Variants in RNGTT observed in about 807,000 individuals in gnomAD.
RNGTT encodes RNA guanylyltransferase and 5'-phosphatase, also known as mRNA-capping enzyme.
RNGTT carries 33 observed loss-of-function variants against 79.3 expected under a neutral mutation model. That is an observed-to-expected ratio of 0.42 (90% CI 0.32 to 0.56). The LOEUF is 0.56. RNGTT is among the 20% of genes least tolerant of loss of function. The pLI is 0.17. For synonymous variants in RNGTT, 222 were observed against 235.9 expected (o/e 0.94, Z 0.54); for missense variants, 497 against 739.1 (o/e 0.67, Z 3.80).
chr6:88,612,950 G>A, intron 15 of RNGTT, 68 bp from the exon 16 acceptor site: 1 of 1,446,208 alleles, frequency 6.9e-7, no homozygotes, highest in East Asian at 2.3e-5. Flanking sequence ...ACAGGCTTAT[G>A]AGAAAGGTTT....
At chr6:88,670,834 T>C (rs150662180) in intron 14 of RNGTT, among the ~76,000 whole-genome samples, 1 of 152,302 alleles carries the variant, frequency 6.6e-6, no homozygotes, top group East Asian at 1.9e-4. Flanking sequence ...CAGGAATCTT[T>C]ACTTTGGGGA....
chr6:88,715,880 C>T (rs997451205), intron 13 of RNGTT, among the ~76,000 whole-genome samples: 12 of 152,182 alleles, frequency 7.9e-5, no homozygotes, highest in African/African-American at 2.7e-4. Flanking sequence ...AAAACCTAGG[C>T]ATTACCATTC....
At chr6:88,891,261 T>C (rs1041059601) in intron 7 of RNGTT, among the ~76,000 whole-genome samples, 71 of 152,182 alleles carry the variant, frequency 4.7e-4, no homozygotes, top group African/African-American at 1.6e-3. Context: ...ATAATCCTTT[T>C]TCCTTACATT....
chr6:88,703,070 A>G (rs1041843239), intron 13 of RNGTT, among the ~76,000 whole-genome samples: 1 of 152,218 alleles, frequency 6.6e-6, no homozygotes, highest in Non-Finnish European at 1.5e-5. Context: ...TGGCAAGTCT[A>G]TGGAGAAAAG....
chr6:88,642,592 C>T (rs1171703479), intron 14 of RNGTT, among the ~76,000 whole-genome samples: 4 of 152,118 alleles, frequency 2.6e-5, no homozygotes, highest in Non-Finnish European at 4.4e-5. Context: ...AATATTTATA[C>T]AAGAACAGTG....
At chr6:88,855,692 G>A (rs928121201) in intron 8 of RNGTT, among the ~76,000 whole-genome samples, 5 of 152,066 alleles carry the variant, frequency 3.3e-5, no homozygotes, top group African/African-American at 1.2e-4. Context: ...GTTTCACTAG[G>A]AAAAATAAAT....
rs779451728 is a variant in RNGTT at position 88,906,339 on chromosome 6, C to G, written c.443+26G>C. The G allele has an allele frequency of 1.6e-5, 23 of 1,441,474 alleles. No individual in the cohort carries two copies. The South Asian group carries it at 2.4e-4, about 15-fold the overall frequency. 89.3% of individuals were successfully genotyped at this position (1,441,474 alleles called of 1,614,324 possible). On this transcript the variant is annotated intron_variant, in intron 5 of 15. Coordinates refer to ENST00000369485, the MANE Select transcript of RNGTT (RefSeq NM_003800.5). Reference sequence around the variant, plus strand: ...TAAAATTTTTTATTACAAAATACATCTTCCATTATAACAAGATACAAATAC... The same window carrying G: ...TAAAATTTTTTATTACAAAATACATGTTCCATTATAACAAGATACAAATAC...
At chr6:88,864,052 G>A (rs12207061) in intron 8 of RNGTT, among the ~76,000 whole-genome samples, 1,755 of 152,182 alleles carry the variant, frequency 0.012, 10 homozygotes, top group Admixed American at 0.019. Flanking sequence ...GTATATGTCT[G>A]TTTCTAAGCC....
At chr6:88,755,295 G>A (rs1777972403) in intron 13 of RNGTT, among the ~76,000 whole-genome samples, 1 of 152,080 alleles carries the variant, frequency 6.6e-6, no homozygotes, top group South Asian at 2.1e-4. Flanking sequence ...GGAAAAAGTG[G>A]TAGGTGACAA....
intron 11 of RNGTT, 83 bp downstream of exon 11, chr6:88,844,274 C>A: frequency 1.5e-6 from 2 of 1,318,712 alleles, no homozygotes; most frequent in African/African-American, 1.5e-5. Flanking sequence ...GACAACTGGG[C>A]AGCAAAATGT....
chr6:88,674,150 T>C (rs552862577), intron 14 of RNGTT, among the ~76,000 whole-genome samples: 1 of 152,362 alleles, frequency 6.6e-6, no homozygotes, highest in South Asian at 2.1e-4. Context: ...AAGATCCTAA[T>C]GATGAACTTT....
intron 2 of RNGTT, among the ~76,000 whole-genome samples, chr6:88,931,554 G>A (rs1041248968): frequency 3.3e-5 from 5 of 152,114 alleles, no homozygotes; most frequent in African/African-American, 4.8e-5. Flanking sequence ...ATGATTTTTA[G>A]GTACCATGTG....
At chr6:88,747,362 G>T (rs1388937327) in intron 13 of RNGTT, among the ~76,000 whole-genome samples, 1 of 152,082 alleles carries the variant, frequency 6.6e-6, no homozygotes, top group Non-Finnish European at 1.5e-5. Context: ...ATTAATCATG[G>T]CTCCTCTTTC....
intron 13 of RNGTT, among the ~76,000 whole-genome samples, chr6:88,690,142 G>C (rs981931978): frequency 1.3e-5 from 2 of 152,090 alleles, no homozygotes; most frequent in Non-Finnish European, 2.9e-5. Context: ...TCACAGATTG[G>C]ATGAAAGAGC....
At chr6:88,877,198 A>G (rs1192330729) in intron 8 of RNGTT, among the ~76,000 whole-genome samples, 1 of 152,196 alleles carries the variant, frequency 6.6e-6, no homozygotes, top group Non-Finnish European at 1.5e-5. Flanking sequence ...TTCTCATGTA[A>G]TAATGGTTTT....
At chr6:88,934,394 T>C (rs34105698) in intron 2 of RNGTT, among the ~76,000 whole-genome samples, 14,698 of 152,216 alleles carry the variant, frequency 0.097, 925 homozygotes, top group Middle Eastern at 0.21. Context: ...GATTTGCATC[T>C]TCCTGATGAT....
At chr6:88,949,160 A>AAAAAAAAAAAAAAAAAAAAAAAAAATG (rs1562077168) in intron 1 of RNGTT, among the ~76,000 whole-genome samples, 1 of 35,072 alleles carries the variant, frequency 2.9e-5, no homozygotes, top group African/African-American at 1.5e-4. Flanking sequence ...AAATAAAATG[A>AAAAAAAAAAAAAAAAAAAAAAAAAATG]AAAAAAAAAA....
chr6:88,807,514 C>T (rs1779997182), intron 11 of RNGTT, among the ~76,000 whole-genome samples: 1 of 151,646 alleles, frequency 6.6e-6, no homozygotes, highest in African/African-American at 2.4e-5. Flanking sequence ...CTTTTTCCAA[C>T]TGAAATACAA....
At chr6:88,628,434 T>C (rs1366322312) in intron 14 of RNGTT, among the ~76,000 whole-genome samples, 1 of 152,152 alleles carries the variant, frequency 6.6e-6, no homozygotes, top group Non-Finnish European at 1.5e-5. Context: ...ATTATCTGTA[T>C]TAATTGGTGT....
Sources: gnomAD v4.1 joint callset for allele counts (sites outside exome capture counted in the v4.1 genomes callset) on GRCh38, gnomAD v4.1.1 for gene constraint, MANE v1.5 for transcripts, NCBI Gene and HGNC (gene_info 2026-07-23, HGNC 2026-07-21) for gene names.